Variants in FNBP1 observed in about 807,000 individuals in gnomAD.
The protein encoded by FNBP1 is formin binding protein 1, also known as formin-binding protein 1.
Under a neutral mutation model 90.6 loss-of-function variants are expected in FNBP1, and 26 were observed. That is an observed-to-expected ratio of 0.29 (90% CI 0.21 to 0.40). The LOEUF (loss-of-function observed/expected upper bound fraction) is 0.40, where lower values mean the gene tolerates loss of function less well. Ranked by LOEUF, FNBP1 falls within the 10% of genes least tolerant of loss-of-function variation. FNBP1 has a pLI of 1.00. For missense variants in FNBP1, 635 were observed against 768.0 expected (o/e 0.83, Z 2.05); for synonymous variants, 260 against 265.2 (o/e 0.98, Z 0.19).
chr9:129,893,008 C>T (rs1053514562), intron 16 of FNBP1, among the ~76,000 whole-genome samples: 4 of 151,340 alleles, frequency 2.6e-5, no homozygotes, highest in African/African-American at 4.9e-5. Context: ...TGCCTTTTTT[C>T]AAAGCAGACT....
intron 2 of FNBP1, among the ~76,000 whole-genome samples, chr9:129,994,149 T>G (rs1409424041): frequency 2.0e-5 from 3 of 152,218 alleles, no homozygotes; most frequent in Non-Finnish European, 4.4e-5. Flanking sequence ...CTACTCATTA[T>G]AGCTTAAATT....
chr9:129,927,439 G>A (rs2042081429), intron 7 of FNBP1, 98 bp from the exon 8 acceptor site: 1 of 1,148,386 alleles, frequency 8.7e-7, no homozygotes, highest in Non-Finnish European at 1.3e-6. Flanking sequence ...TTCTCTTTGA[G>A]GAAAAAATGG....
chr9:130,053,808 G>T, the FNBP1 span: 1 of 938,094 alleles, frequency 1.1e-6, no homozygotes, highest in Non-Finnish European at 1.6e-6. Context: ...GCAATCTCCA[G>T]GAAAACGACC....
chr9:129,891,571 A>G (rs1462051203), intron 16 of FNBP1, among the ~76,000 whole-genome samples: 2 of 152,254 alleles, frequency 1.3e-5, no homozygotes, highest in Admixed American at 6.5e-5. Flanking sequence ...CAGCAGTACA[A>G]TGTAAAATCT....
chr9:130,050,315 G>C, the FNBP1 span, among the ~76,000 whole-genome samples: 1 of 152,106 alleles, frequency 6.6e-6, no homozygotes, highest in Non-Finnish European at 1.5e-5. Flanking sequence ...ATAAAATCAA[G>C]AAAGACTGCC....
chr9:129,923,494 G>A (rs1039249505), intron 10 of FNBP1, among the ~76,000 whole-genome samples: 4 of 151,020 alleles, frequency 2.6e-5, no homozygotes, highest in East Asian at 2.0e-4. Context: ...CAGGAGAATC[G>A]CTTAAACCCG....
At chr9:130,046,459 C>T (rs1029019238), upstream of FNBP1, among the ~76,000 whole-genome samples, 2 of 151,718 alleles carry the variant, frequency 1.3e-5, no homozygotes, top group East Asian at 1.9e-4. Flanking sequence ...GTTGGCCGGA[C>T]GTGGTGGCTC....
intron 1 of FNBP1, among the ~76,000 whole-genome samples, chr9:130,012,464 A>G (rs1272977499): frequency 1.3e-5 from 2 of 152,154 alleles, no homozygotes; most frequent in African/African-American, 4.8e-5. Context: ...GGATAATTGC[A>G]TATCTATCGG....
chr9:130,035,647 A>G (rs914914098), intron 1 of FNBP1, among the ~76,000 whole-genome samples: 14 of 152,172 alleles, frequency 9.2e-5, no homozygotes, highest in African/African-American at 2.9e-4. Flanking sequence ...ATCATTCGAG[A>G]CTTTAAGATA....
rs753987401 is a variant in FNBP1, at chr9:129,889,081, C to CGGGG, written c.*1454_*1457dup. On this transcript the variant is annotated 3_prime_UTR_variant, in exon 17 of 17. Coordinates refer to ENST00000446176, the MANE Select transcript of FNBP1 (RefSeq NM_015033.3). ...GGGGCTGCTCTGCTCTAAGGCGTGG[C>CGGGG]GGGGGGGGGGGGTGGTGGCCACAGA... The CGGGG allele has an allele frequency of 1.7e-3, 71 of 40,732 alleles. No homozygotes were observed. The highest frequency in any genetic ancestry group is 7.8e-3 in the South Asian group (7 of 902). 2.5% of individuals were successfully genotyped at this position (40,732 alleles called of 1,614,324 possible).
chr9:129,959,940 T>C (rs1004992025), intron 4 of FNBP1, among the ~76,000 whole-genome samples: 1 of 152,138 alleles, frequency 6.6e-6, no homozygotes, highest in Non-Finnish European at 1.5e-5. Flanking sequence ...ATGTGTTCAT[T>C]ATCTCCTCAT....
intron 6 of FNBP1, among the ~76,000 whole-genome samples, chr9:129,934,872 A>C (rs1192694895): frequency 1.3e-5 from 2 of 151,860 alleles, no homozygotes; most frequent in South Asian, 4.2e-4. Flanking sequence ...GTGAGCCACC[A>C]CGCCCAGCCC....
At chr9:129,974,735 C>T (rs1202183334) in intron 4 of FNBP1, among the ~76,000 whole-genome samples, 1 of 151,914 alleles carries the variant, frequency 6.6e-6, no homozygotes, top group Non-Finnish European at 1.5e-5. Context: ...TGGCATATGC[C>T]TGTGGTCCCA....
At position 130,041,802 on chromosome 9, in the gene FNBP1, GCT is replaced by G. The variant is rs1418917092; in HGVS notation, c.24+1148_24+1149del. ...CAAAACAAAAAACAAGGGAGGATGT[GCT>G]CTGTTTCTGTAATTGCTCTAACCTT... On this transcript the variant is annotated intron_variant, in intron 1 of 16. Transcript: ENST00000446176. The surrounding 1 kb of genome is among the most constrained non-coding windows in gnomAD (Gnocchi z 4.3). Among the ~76,000 whole-genome samples the G allele has an allele frequency of 1.3e-5, 2 of 152,148 alleles. No homozygotes were observed. Among genetic ancestry groups the G allele is most frequent in the African/African-American group, 2.4e-5 (1 of 41,448 alleles).
At chr9:129,958,108 T>C (rs1323845498) in intron 5 of FNBP1, among the ~76,000 whole-genome samples, 1 of 152,154 alleles carries the variant, frequency 6.6e-6, no homozygotes, top group Non-Finnish European at 1.5e-5. Flanking sequence ...GACTCAAGCT[T>C]AAATTAAATT....
chr9:129,970,186 T>C (rs1440428073), intron 4 of FNBP1, among the ~76,000 whole-genome samples: 3 of 151,562 alleles, frequency 2.0e-5, no homozygotes, highest in Non-Finnish European at 2.9e-5. Flanking sequence ...ATTACAGGCG[T>C]GAGCCACTGC....
chr9:129,925,969 C>T (rs968069966), intron 8 of FNBP1, among the ~76,000 whole-genome samples: 23 of 151,664 alleles, frequency 1.5e-4, no homozygotes, highest in African/African-American at 5.3e-4. Flanking sequence ...CTATTGTTTT[C>T]TGATTTTTTT....
At chr9:129,971,510 C>G (rs566578790) in intron 4 of FNBP1, among the ~76,000 whole-genome samples, 2 of 152,130 alleles carry the variant, frequency 1.3e-5, no homozygotes, top group Non-Finnish European at 2.9e-5. Context: ...CCTGCCTCAG[C>G]CTCCAGAGTA....
At chr9:129,995,501 C>A (rs2053851990) in intron 1 of FNBP1, among the ~76,000 whole-genome samples, 1 of 152,150 alleles carries the variant, frequency 6.6e-6, no homozygotes, top group Admixed American at 6.6e-5. Flanking sequence ...CCAAAATGAA[C>A]AAAAATACAG....
Sources: allele counts gnomAD v4.1 joint callset (sites outside exome capture counted in the v4.1 genomes callset), GRCh38; gene constraint gnomAD v4.1.1; non-coding constraint Gnocchi (gnomAD v3.1); transcripts MANE v1.5; gene names NCBI Gene and HGNC (gene_info 2026-07-23, HGNC 2026-07-21).